Variants in HCLS1 observed in about 807,000 individuals in gnomAD.
The protein encoded by HCLS1 is hematopoietic lineage cell-specific protein.
A neutral mutation model predicts 68.6 loss-of-function variants in HCLS1; 44 were observed. The ratio of observed to expected loss-of-function variants is 0.64; its 90% CI spans 0.50 to 0.82. The LOEUF (loss-of-function observed/expected upper bound fraction) is 0.82, where lower values mean the gene tolerates loss of function less well. HCLS1 is among the 40% of genes least tolerant of loss of function. HCLS1 has a pLI of 0.00. For missense variants in HCLS1, 602 were observed against 612.1 expected, an observed-to-expected ratio of 0.98 and a Z score of 0.17; for synonymous variants, 217 against 225.8, an observed-to-expected ratio of 0.96 and a Z score of 0.35.
At chr3:121,658,707 C>CG (rs1937927434) in intron 1 of HCLS1, among the ~76,000 whole-genome samples, 2 of 152,182 alleles carry the variant, frequency 1.3e-5, no homozygotes, top group Non-Finnish European at 2.9e-5. Flanking sequence ...TGGCAATGAG[C>CG]GGTGCTATAA....
In HCLS1 at chr3:121,637,144, A is replaced by G; in HGVS notation, c.565+2T>C. 1.3e-6 allele frequency: 2 copies of G among 1,599,894 alleles called. No homozygotes were observed. Among genetic ancestry groups the G allele is most frequent in the Non-Finnish European group, 1.7e-6 (2 of 1,168,242 alleles). ...ACCTTCCCCCTTCCAACCCCAACTC[A>G]CCTCTCTGGGACTCGTGTTTCTCCG... On this transcript the variant is annotated splice_donor_variant, in intron 7 of 13. Transcript: ENST00000314583. LOFTEE classifies it high-confidence loss of function.
Position 121,631,744 on chromosome 3 carries a change from A to G in HCLS1, c.*102T>C. On this transcript the variant is annotated 3_prime_UTR_variant, in exon 14 of 14. Coordinates refer to ENST00000314583, the MANE Select transcript of HCLS1 (RefSeq NM_005335.6). Reference sequence around the variant, plus strand: ...AAGCAGGAGAGGGAAGTCTGTCCAGAACCTCATCTGGTTAGACATTTGCAG... The same window carrying G: ...AAGCAGGAGAGGGAAGTCTGTCCAGGACCTCATCTGGTTAGACATTTGCAG... The G allele has an allele frequency of 7.5e-7, 1 of 1,326,868 alleles. No individual in the cohort carries two copies. Among genetic ancestry groups the G allele is most frequent in the East Asian group, 2.4e-5 (1 of 42,406 alleles). 82.2% of individuals were successfully genotyped at this position (1,326,868 alleles called of 1,614,324 possible).
At chr3:121,651,612 A>C (rs776461642) in intron 3 of HCLS1, among the ~76,000 whole-genome samples, 10 of 152,132 alleles carry the variant, frequency 6.6e-5, no homozygotes, top group Non-Finnish European at 1.2e-4. Flanking sequence ...GTAGACTCTG[A>C]ATCTCTCCAC....
At chr3:121,636,620 G>T in intron 7 of HCLS1, 131 bp from the exon 8 acceptor site, 2 of 728,962 alleles carry the variant, frequency 2.7e-6, no homozygotes, top group African/African-American at 1.7e-5. Context: ...AGAGGATAGA[G>T]GGAGGCATGG....
chr3:121,639,616 A>ATGGC (rs2108859695), intron 6 of HCLS1, among the ~76,000 whole-genome samples: 1 of 152,222 alleles, frequency 6.6e-6, no homozygotes, highest in African/African-American at 2.4e-5. Flanking sequence ...TGGCACAATC[A>ATGGC]TGGCTTGCTG....
At position 121,635,812 on chromosome 3, in the gene HCLS1, CAGG is replaced by C; in HGVS notation, c.622-11_622-9del. ...ATTGAAGCCGACAGCGCTCTGCAGGCAGGAGAACAGCATGTGTGTTGCGGGAGA... is the reference window on the plus strand; with the variant it reads ...ATTGAAGCCGACAGCGCTCTGCAGGCAGAACAGCATGTGTGTTGCGGGAGA... On this transcript the variant is annotated splice_polypyrimidine_tract_variant and intron_variant, in intron 8 of 13. Transcript: ENST00000314583. 3 of 1,613,438 alleles carry C rather than the reference CAGG, an allele frequency of 1.9e-6. No homozygotes were observed. Among genetic ancestry groups the C allele is most frequent in the Non-Finnish European group, 2.5e-6 (3 of 1,179,596 alleles).
At chr3:121,659,309 A>C (rs955648061) in intron 1 of HCLS1, among the ~76,000 whole-genome samples, 23 of 152,040 alleles carry the variant, frequency 1.5e-4, no homozygotes, top group African/African-American at 5.1e-4. Context: ...GGTGTGAAGA[A>C]GTAACAACAG....
intron 5 of HCLS1, 193 bp from the exon 6 acceptor site, chr3:121,643,174 G>C: frequency 2.0e-6 from 1 of 502,302 alleles, no homozygotes; most frequent in East Asian, 3.2e-5. Context: ...CCTGGACACA[G>C]ACAGTTTTAG....
chr3:121,631,769 G>T lies in HCLS1; in HGVS notation c.*77C>A, dbSNP rs1128154. 355,232 of 1,494,440 alleles carry T rather than the reference G, an allele frequency of 0.24. 43,466 individuals are homozygous for T. Among genetic ancestry groups the T allele is most frequent in the East Asian group, 0.35 (15,624 of 44,014 alleles). 92.6% of individuals were successfully genotyped at this position (1,494,440 alleles called of 1,614,324 possible). A position where few individuals can be genotyped will look rare whatever the true frequency, so the allele number is the denominator to read the frequency against. On this transcript the variant is annotated 3_prime_UTR_variant, in exon 14 of 14. Coordinates refer to ENST00000314583, the MANE Select transcript of HCLS1 (RefSeq NM_005335.6). ...AACCTCATCTGGTTAGACATTTGCAGCAGGAATAGGGAGGGGGTGGAGGCA... is the reference window on the plus strand; with the variant it reads ...AACCTCATCTGGTTAGACATTTGCATCAGGAATAGGGAGGGGGTGGAGGCA...
chr3:121,631,707 A>T lies in HCLS1; in HGVS notation c.*139T>A. ...TCCTTCCCCATGCTGTCTCTGCCCCAAGCCCTTAATGAAGCAGGAGAGGGA... is the reference window on the plus strand; with the variant it reads ...TCCTTCCCCATGCTGTCTCTGCCCCTAGCCCTTAATGAAGCAGGAGAGGGA... On this transcript the variant is annotated 3_prime_UTR_variant, in exon 14 of 14. Coordinates refer to ENST00000314583, the MANE Select transcript of HCLS1 (RefSeq NM_005335.6). 1.2e-6 allele frequency: 1 copy of T among 851,094 alleles called. No individual in the cohort carries two copies. The highest frequency in any genetic ancestry group is 1.8e-6 in the Non-Finnish European group (1 of 548,364). The allele number at this position is 851,094 out of a possible 1,614,324, so 52.7% of individuals were successfully genotyped here.
chr3:121,634,238 G>T lies in HCLS1; in HGVS notation c.872C>A (p.Pro291Gln). Reference sequence around the variant, plus strand: ...GGAGATTTTCTTGGGCAGTGGGGCCGGTACTGCTGGCTCTTCCATAGCTAT... The same window carrying T: ...GGAGATTTTCTTGGGCAGTGGGGCCTGTACTGCTGGCTCTTCCATAGCTAT... ...PVIAMEEPAV[P>Q]APLPKKISSE... is the part of the protein sequence containing the mutation. The change falls in exon 10 of 14, where the codon CCG becomes CAG. Residue 291 changes from proline (P) to glutamine (Q), a missense_variant. Coordinates refer to ENST00000314583, the MANE Select transcript of HCLS1 (RefSeq NM_005335.6). 6.2e-7 allele frequency: 1 copy of T among 1,614,146 alleles called. No homozygotes were observed.
chr3:121,658,064 G>A, intron 2 of HCLS1, 200 bp downstream of exon 2: 3 of 551,208 alleles, frequency 5.4e-6, no homozygotes, highest in Admixed American at 3.3e-5. Flanking sequence ...ACCCACACCT[G>A]TCTCTTTTCA....
At chr3:121,649,640 A>G (rs1015439821) in intron 3 of HCLS1, among the ~76,000 whole-genome samples, 3 of 152,246 alleles carry the variant, frequency 2.0e-5, no homozygotes, top group Admixed American at 6.5e-5. Context: ...TGTTTTATGT[A>G]TGGAGATAGA....
chr3:121,646,733 A>G (rs1260695924), intron 4 of HCLS1, among the ~76,000 whole-genome samples: 2 of 131,522 alleles, frequency 1.5e-5, no homozygotes, highest in Non-Finnish European at 1.6e-5. Context: ...TATAAAATAT[A>G]TAAGTATATA....
chr3:121,635,592 C>T, intron 9 of HCLS1, 143 bp downstream of exon 9: 1 of 705,396 alleles, frequency 1.4e-6, no homozygotes, highest in Non-Finnish European at 2.5e-6. Context: ...CTAGGAAAGA[C>T]AGAATCTGGG....
Position 121,631,797 on chromosome 3 carries a change from G to A in HCLS1, c.*49C>T. ...GGAATAGGGAGGGGGTGGAGGCAGAGCCACTTTGGACATGGGAAATCACAG... is the reference window on the plus strand; with the variant it reads ...GGAATAGGGAGGGGGTGGAGGCAGAACCACTTTGGACATGGGAAATCACAG... On this transcript the variant is annotated 3_prime_UTR_variant, in exon 14 of 14. Transcript: ENST00000314583. 1 of 1,604,418 alleles carries A rather than the reference G, an allele frequency of 6.2e-7. No individual in the cohort carries two copies. Among genetic ancestry groups the A allele is most frequent in the Non-Finnish European group, 8.5e-7 (1 of 1,172,350 alleles).
chr3:121,636,563 GA>G (rs2049153277), intron 7 of HCLS1, 74 bp from the exon 8 acceptor site: 1 of 1,102,348 alleles, frequency 9.1e-7, no homozygotes, highest in Admixed American at 1.7e-5. Context: ...TCAGTGGGAA[GA>G]AAAACAGGAA....
intron 10 of HCLS1, 121 bp from the exon 11 acceptor site, chr3:121,633,292 T>G: frequency 1.6e-6 from 1 of 631,950 alleles, no homozygotes. Flanking sequence ...CTCAGCTCAT[T>G]GCAACCTCCG....
chr3:121,632,361 T>G lies in HCLS1; in HGVS notation c.1211A>C (p.Glu404Ala), dbSNP rs2049105855. ...EGDYEEVLEP[E>A]DSSFSSALAG... ...CAGAGCAGAAGAAAAAGAAGAATCT[T>G]CAGGCTCGAGCACCTCCTCATAGTC... is the stretch of plus-strand genomic sequence containing the variant. The change falls in exon 12 of 14, where the codon GAA (glutamate) becomes GCA (alanine). Residue 404 changes from glutamate to alanine, a missense_variant. Physicochemically the swap from Glu to Ala is moderately radical, Grantham distance 107. Transcript: ENST00000314583. 6.2e-7 allele frequency: 1 copy of G among 1,614,138 alleles called. No homozygotes were observed. The highest frequency in any genetic ancestry group is 8.5e-7 in the Non-Finnish European group (1 of 1,180,018).
Sources: gnomAD v4.1 joint callset for allele counts (sites outside exome capture counted in the v4.1 genomes callset) on GRCh38, gnomAD v4.1.1 for gene constraint, MANE v1.5 for transcripts, NCBI Gene and HGNC (gene_info 2026-07-23, HGNC 2026-07-21) for gene names.